KYNU: variants seen among roughly 807,000 people sequenced by gnomAD.
KYNU encodes the protein kynureninase.
A neutral mutation model predicts 59.2 loss-of-function variants in KYNU; 54 were observed. The ratio of observed to expected loss-of-function variants is 0.91; its 90% CI spans 0.73 to 1.14. The LOEUF is 1.14. Ranked by LOEUF, KYNU falls within the 50% of genes most tolerant of loss-of-function variation. KYNU has a pLI of 0.00. For synonymous variants in KYNU, 177 were observed against 192.0 expected (o/e 0.92, Z 0.65); for missense variants, 567 against 554.4 (o/e 1.02, Z -0.23).
chr2:142,921,034 A>C (rs961655414), intron 3 of KYNU, among the ~76,000 whole-genome samples: 1 of 152,218 alleles, frequency 6.6e-6, no homozygotes, highest in Non-Finnish European at 1.5e-5. Context: ...AAAGTGATTG[A>C]GGGCCTGCCA....
chr2:142,958,804 T>C (rs543918463), intron 7 of KYNU, among the ~76,000 whole-genome samples: 2 of 152,312 alleles, frequency 1.3e-5, no homozygotes, highest in African/African-American at 4.8e-5. Flanking sequence ...GTATTTCTTA[T>C]GTGCTTAATA....
At chr2:142,918,572 A>ATTTTTTTTTTTTTTTTT in intron 2 of KYNU, 37 bp from the exon 3 acceptor site, 2 of 1,310,852 alleles carry the variant, frequency 1.5e-6, no homozygotes, top group Non-Finnish European at 2.0e-6. Context: ...AAAAGCTTTT[A>ATTTTTTTTTTTTTTTTT]TTTTTTTTTT....
chr2:142,970,406 G>A (rs1213654167), intron 8 of KYNU, among the ~76,000 whole-genome samples: 3 of 152,132 alleles, frequency 2.0e-5, no homozygotes. Context: ...TTAAAATAAA[G>A]TAAATTTGGT....
intron 10 of KYNU, among the ~76,000 whole-genome samples, chr2:143,020,426 T>G (rs1171743814): frequency 6.6e-6 from 1 of 152,174 alleles, no homozygotes; most frequent in East Asian, 1.9e-4. Context: ...TTCCATGTAT[T>G]TGTACAGTTT....
chr2:142,919,417 T>G (rs999795163), intron 3 of KYNU, among the ~76,000 whole-genome samples: 3 of 152,246 alleles, frequency 2.0e-5, no homozygotes, highest in Admixed American at 2.0e-4. Flanking sequence ...CAACACTTAC[T>G]TTTATGATAA....
At position 143,012,052 on chromosome 2, in the gene KYNU, T is replaced by C. The variant is rs186818606; in HGVS notation, c.903-17575T>C. Reference sequence around the variant, plus strand: ...ACAATGTGCACATATACCCTAAAACTTAAAGTATAATAAAAAAAAAAAAAA... The same window carrying C: ...ACAATGTGCACATATACCCTAAAACCTAAAGTATAATAAAAAAAAAAAAAA... On this transcript the variant is annotated intron_variant, in intron 10 of 13. Coordinates refer to ENST00000264170, the MANE Select transcript of KYNU (RefSeq NM_003937.3). 6.7e-3 allele frequency among the ~76,000 whole-genome samples: 927 copies of C among 139,220 alleles called. 10 individuals carry two copies. The highest frequency in any genetic ancestry group is 0.023 in the African/African-American group (856 of 37,446). The allele number at this position is 139,220 out of a possible 152,430, so 91.3% of individuals were successfully genotyped here.
intron 3 of KYNU, among the ~76,000 whole-genome samples, chr2:142,921,356 AG>A (rs1682876633): frequency 6.6e-6 from 1 of 152,164 alleles, no homozygotes; most frequent in South Asian, 2.1e-4. Context: ...CTGTATTTTT[AG>A]GAGGCTTTGC....
intron 6 of KYNU, 109 bp from the exon 7 acceptor site, chr2:142,957,530 CCT>C: frequency 1.4e-6 from 1 of 709,114 alleles, no homozygotes; most frequent in South Asian, 1.6e-5. Flanking sequence ...TTAACCTTCA[CCT>C]TGGATTTAAT....
rs1389637112 is a variant in KYNU, at chr2:142,938,062, G to C, written c.373+10321G>C. ...TTCGGTAATTTTTTTTTACGGGTTAGAGTAGAGGGTACCTCCTCATGCTGG... is the reference window on the plus strand; with the variant it reads ...TTCGGTAATTTTTTTTTACGGGTTACAGTAGAGGGTACCTCCTCATGCTGG... On this transcript the variant is annotated intron_variant, in intron 4 of 13. Transcript: ENST00000264170. 2.0e-5 allele frequency among the ~76,000 whole-genome samples: 3 copies of C among 152,176 alleles called. No individual in the cohort carries two copies. The East Asian group carries it at 5.8e-4, about 29-fold the overall frequency.
chr2:142,891,836 A>G (rs1681722367), intron 2 of KYNU, among the ~76,000 whole-genome samples: 1 of 152,236 alleles, frequency 6.6e-6, no homozygotes, highest in African/African-American at 2.4e-5. Flanking sequence ...TGTAATTTTG[A>G]TAGTCTGATA....
chr2:142,962,678 G>T lies in KYNU; in HGVS notation c.729+1908G>T, dbSNP rs528160710. 4.2e-3 allele frequency among the ~76,000 whole-genome samples: 647 copies of T among 152,242 alleles called. 8 individuals carry two copies. Among genetic ancestry groups the T allele is most frequent in the African/African-American group, 0.015 (619 of 41,540 alleles). On this transcript the variant is annotated intron_variant, in intron 8 of 13. Coordinates refer to ENST00000264170, the MANE Select transcript of KYNU (RefSeq NM_003937.3). ...AGAACTCTCAGTCAAATAAATGAAG[G>T]TAGGAATGAGCAGCTTTAAGTGTAA...
chr2:143,007,645 G>A (rs1430894924), intron 10 of KYNU, among the ~76,000 whole-genome samples: 1 of 114,084 alleles, frequency 8.8e-6, no homozygotes, highest in Non-Finnish European at 1.7e-5. Context: ...AAATGTTAAG[G>A]GCAGCCAGAG....
At chr2:142,967,614 AC>A (rs1287347210) in intron 8 of KYNU, 1 of 152,162 alleles carries the variant, frequency 6.6e-6, no homozygotes, top group Admixed American at 6.5e-5. Context: ...AATCACAGGT[AC>A]CCAAACCACA....
chr2:143,005,313 C>A (rs1020854377), intron 10 of KYNU, among the ~76,000 whole-genome samples: 1 of 152,094 alleles, frequency 6.6e-6, no homozygotes, highest in Non-Finnish European at 1.5e-5. Flanking sequence ...TTAGGGCAGT[C>A]ACATTTCACT....
At chr2:143,037,288 C>A (rs1383754239) in intron 12 of KYNU, among the ~76,000 whole-genome samples, 1 of 152,048 alleles carries the variant, frequency 6.6e-6, no homozygotes, top group African/African-American at 2.4e-5. Flanking sequence ...GATGTTTGGA[C>A]AAGATTATTT....
At chr2:143,035,303 T>G (rs1686864714) in intron 12 of KYNU, among the ~76,000 whole-genome samples, 1 of 152,218 alleles carries the variant, frequency 6.6e-6, no homozygotes, top group South Asian at 2.1e-4. Context: ...CTCTGGATCT[T>G]CTAATCACTT....
intron 8 of KYNU, among the ~76,000 whole-genome samples, chr2:142,967,125 A>G (rs1462960083): frequency 6.6e-6 from 1 of 152,144 alleles, no homozygotes; most frequent in African/African-American, 2.4e-5. Flanking sequence ...GTACTCCTCC[A>G]TCCCTTTCTA....
At chr2:143,006,204 GT>G (rs1685883043) in intron 10 of KYNU, among the ~76,000 whole-genome samples, 1 of 152,038 alleles carries the variant, frequency 6.6e-6, no homozygotes, top group Non-Finnish European at 1.5e-5. Flanking sequence ...TGCACGCACC[GT>G]GCGCGAGCCG....
At chr2:142,986,084 T>C in intron 10 of KYNU, 63 bp downstream of exon 10, 1 of 1,106,012 alleles carries the variant, frequency 9.0e-7, no homozygotes, top group Non-Finnish European at 1.4e-6. Flanking sequence ...AATAATATGT[T>C]AAATTTACAT....
Sources: allele counts gnomAD v4.1 joint callset (sites outside exome capture counted in the v4.1 genomes callset), GRCh38; gene constraint gnomAD v4.1.1; transcripts MANE v1.5; gene names NCBI Gene and HGNC (gene_info 2026-07-23, HGNC 2026-07-21).